CNTNAP2: variants seen among roughly 807,000 people sequenced by gnomAD.
CNTNAP2 encodes contactin associated protein 2, also known as contactin-associated protein-like 2.
A neutral mutation model predicts 155.2 loss-of-function variants in CNTNAP2; 98 were observed. The ratio of observed to expected loss-of-function variants is 0.63; its 90% CI spans 0.54 to 0.75. CNTNAP2 has a LOEUF of 0.75. CNTNAP2 is among the 30% of genes least tolerant of loss of function. The pLI, the probability that CNTNAP2 is intolerant of heterozygous loss-of-function variation, is 0.00. For missense variants in CNTNAP2, 1,727 were observed against 1,688.1 expected (o/e 1.02, Z -0.40); for synonymous variants, 651 against 631.2 (o/e 1.03, Z -0.47).
At chr7:146,797,136 G>GA (rs906618356) in intron 2 of CNTNAP2, among the ~76,000 whole-genome samples, 22 of 151,390 alleles carry the variant, frequency 1.5e-4, no homozygotes, top group East Asian at 1.4e-3. Context: ...ACTCCATCTA[G>GA]AAAAAAAAAT....
At chr7:146,749,862 C>G (rs1209003836) in intron 1 of CNTNAP2, among the ~76,000 whole-genome samples, 8 of 152,246 alleles carry the variant, frequency 5.3e-5, no homozygotes, top group Admixed American at 4.6e-4. Context: ...GGGGTTAGAA[C>G]TTTTTCTGTC....
intron 1 of CNTNAP2, among the ~76,000 whole-genome samples, chr7:146,568,815 C>T (rs1341330960): frequency 6.6e-6 from 1 of 152,048 alleles, no homozygotes; most frequent in Non-Finnish European, 1.5e-5. Flanking sequence ...AACCTGGTTC[C>T]CATGTTTCCA....
Position 146,703,256 on chromosome 7 carries a change from A to T in CNTNAP2, c.98-71015A>T, listed in dbSNP as rs190768235. 4.2e-3 allele frequency among the ~76,000 whole-genome samples: 635 copies of T among 152,272 alleles called. 5 individuals are homozygous for T. The highest frequency in any genetic ancestry group is 0.014 in the African/African-American group (586 of 41,572). On this transcript the variant is annotated intron_variant, in intron 1 of 23. Transcript: ENST00000361727. ...AACCATGTGGTCTCAGCATGGTGAA[A>T]TAGCTACAATAGCCATTTCTCTGGA...
chr7:147,594,980 A>C (rs1800801596), intron 12 of CNTNAP2, among the ~76,000 whole-genome samples: 1 of 152,092 alleles, frequency 6.6e-6, no homozygotes, highest in Non-Finnish European at 1.5e-5. Flanking sequence ...AAAAAGAAGA[A>C]ATAAAATTGC....
intron 3 of CNTNAP2, among the ~76,000 whole-genome samples, chr7:146,850,089 T>C (rs1415033108): frequency 2.6e-5 from 4 of 152,110 alleles, no homozygotes; most frequent in Admixed American, 6.5e-5. Flanking sequence ...TTTGCTTGAG[T>C]TAAATAGCTT....
chr7:146,811,836 T>C (rs1449830536), intron 2 of CNTNAP2, among the ~76,000 whole-genome samples: 1 of 152,170 alleles, frequency 6.6e-6, no homozygotes, highest in African/African-American at 2.4e-5. Flanking sequence ...TGAGATCTGA[T>C]GGTTTTACAA....
At chr7:146,201,948 A>G (rs760670815) in intron 1 of CNTNAP2, among the ~76,000 whole-genome samples, 6 of 146,466 alleles carry the variant, frequency 4.1e-5, no homozygotes, top group Non-Finnish European at 7.5e-5. Flanking sequence ...ACAAAACAAC[A>G]AAAAACCAAA....
intron 1 of CNTNAP2, among the ~76,000 whole-genome samples, chr7:146,587,604 G>A (rs574200108): frequency 1.5e-4 from 23 of 152,130 alleles, no homozygotes; most frequent in African/African-American, 4.6e-4. Flanking sequence ...TTATATGCAC[G>A]TATGATGGTA....
intron 6 of CNTNAP2, among the ~76,000 whole-genome samples, chr7:147,126,338 TGTATC>T (rs1801236208): frequency 6.6e-6 from 1 of 152,184 alleles, no homozygotes; most frequent in South Asian, 2.1e-4. Context: ...CATTAATAAA[TGTATC>T]ATATGAGCCA....
chr7:146,419,574 T>C (rs1238879155), intron 1 of CNTNAP2, among the ~76,000 whole-genome samples: 2 of 152,150 alleles, frequency 1.3e-5, no homozygotes, highest in African/African-American at 2.4e-5. Flanking sequence ...CTTTTTATAT[T>C]CTTTAATTAA....
In CNTNAP2 at chr7:146,379,606, G is replaced by A. The variant is rs142525548; in HGVS notation, c.97+262633G>A. Among the ~76,000 whole-genome samples the A allele has an allele frequency of 2.1e-3, 316 of 152,226 alleles. 2 individuals carry two copies. The highest frequency in any genetic ancestry group is 7.3e-3 in the African/African-American group (305 of 41,548). ...TAAGTTGCTATAAGATAGAAATGGG[G>A]CTTCCATTGTTCACTCTTCCTGTGT... On this transcript the variant is annotated intron_variant, in intron 1 of 23. Transcript: ENST00000361727.
intron 16 of CNTNAP2, among the ~76,000 whole-genome samples, chr7:148,135,596 C>T (rs2116634316): frequency 6.6e-6 from 1 of 152,048 alleles, no homozygotes; most frequent in South Asian, 2.1e-4. Flanking sequence ...TGCCTGTAAT[C>T]CCAGCACTTT....
At chr7:146,518,808 T>C (rs886149792) in intron 1 of CNTNAP2, among the ~76,000 whole-genome samples, 1 of 151,404 alleles carries the variant, frequency 6.6e-6, no homozygotes, top group African/African-American at 2.4e-5. Context: ...TAGAAGAGAG[T>C]GGGTAATGTT....
At chr7:146,824,414 T>G (rs764839356) in intron 2 of CNTNAP2, among the ~76,000 whole-genome samples, 1 of 152,118 alleles carries the variant, frequency 6.6e-6, no homozygotes, top group Admixed American at 6.6e-5. Context: ...GTAATGGGAT[T>G]GTTGGGTCAA....
intron 8 of CNTNAP2, among the ~76,000 whole-genome samples, chr7:147,137,873 G>GATAGA (rs1801515602): frequency 2.8e-4 from 39 of 140,024 alleles, no homozygotes; most frequent in African/African-American, 4.8e-4. Context: ...AGATAGATAC[G>GATAGA]TAGATAGATA....
At chr7:146,874,873 T>G (rs1323890348) in intron 3 of CNTNAP2, among the ~76,000 whole-genome samples, 1 of 152,178 alleles carries the variant, frequency 6.6e-6, no homozygotes, top group Non-Finnish European at 1.5e-5. Context: ...AGCGCTTTTG[T>G]TTATTTTATA....
At chr7:146,783,742 A>G (rs1802528725) in intron 2 of CNTNAP2, among the ~76,000 whole-genome samples, 1 of 152,242 alleles carries the variant, frequency 6.6e-6, no homozygotes, top group African/African-American at 2.4e-5. Context: ...AAAGTGCATG[A>G]TGTTAATATG....
chr7:146,778,624 C>T (rs898243667), intron 2 of CNTNAP2, among the ~76,000 whole-genome samples: 1 of 152,166 alleles, frequency 6.6e-6, no homozygotes, highest in Non-Finnish European at 1.5e-5. Context: ...AGCACAGATA[C>T]AAAACCTTTG....
chr7:148,331,751 C>CGGATGGAGTGGATGGATGGAAT (rs1798026677), intron 21 of CNTNAP2, among the ~76,000 whole-genome samples: 1 of 20,280 alleles, frequency 4.9e-5, no homozygotes, highest in Non-Finnish European at 9.9e-5. Flanking sequence ...ATGGATGGAA[C>CGGATGGAGTGGATGGATGGAAT]GGACGGATGG....
Sources: gnomAD v4.1 joint callset for allele counts (sites outside exome capture counted in the v4.1 genomes callset) on GRCh38, gnomAD v4.1.1 for gene constraint, MANE v1.5 for transcripts, NCBI Gene and HGNC (gene_info 2026-07-23, HGNC 2026-07-21) for gene names.